C12orf42: variants seen among roughly 807,000 people sequenced by gnomAD.
C12orf42 encodes uncharacterized protein C12orf42.
A neutral mutation model predicts 21.6 loss-of-function variants in C12orf42; 25 were observed. That is an observed-to-expected ratio of 1.16 (90% CI 0.84 to 1.62). The LOEUF (loss-of-function observed/expected upper bound fraction) is 1.62, where lower values mean the gene tolerates loss of function less well. C12orf42 is among the 40% of genes most tolerant of loss of function. The pLI is 0.00. For synonymous variants in C12orf42, 174 were observed against 175.0 expected (o/e 0.99, Z 0.05); for missense variants, 483 against 459.3 (o/e 1.05, Z -0.47).
At chr12:103,361,564 C>T (rs1244165707) in intron 4 of C12orf42, among the ~76,000 whole-genome samples, 1 of 152,066 alleles carries the variant, frequency 6.6e-6, no homozygotes, top group African/African-American at 2.4e-5. Context: ...ACTCAACAGG[C>T]AGGGAGGTGC....
rs148587598 is a variant in C12orf42, at chr12:103,417,291, T to A, written c.79-15616A>T. Among the ~76,000 whole-genome samples, 337 of 152,260 alleles carry A rather than the reference T, an allele frequency of 2.2e-3. 1 individual carries two copies. The highest frequency in any genetic ancestry group is 7.8e-3 in the African/African-American group (326 of 41,552). ...CTAATTATCTTGTAGCACTAACCAG[T>A]CTCCCTCTTCTCTCATATTGCTCTC... On this transcript the variant is annotated intron_variant, in intron 2 of 5. Transcript: ENST00000548883.
the C12orf42 span, among the ~76,000 whole-genome samples, chr12:103,075,075 A>G: frequency 1.3e-5 from 2 of 152,126 alleles, no homozygotes; most frequent in African/African-American, 4.8e-5. Context: ...ATGATAGAGT[A>G]AGACTGTCTC....
At chr12:103,476,343 G>A (rs550881968) in intron 2 of C12orf42, among the ~76,000 whole-genome samples, 20 of 152,194 alleles carry the variant, frequency 1.3e-4, no homozygotes, top group Middle Eastern at 3.4e-3. Context: ...TGTCCACTTC[G>A]CCACAGACCA....
chr12:103,187,421 A>G, the C12orf42 span, among the ~76,000 whole-genome samples: 11 of 152,326 alleles, frequency 7.2e-5, no homozygotes, highest in Admixed American at 5.9e-4. Context: ...CTAGAAGCCA[A>G]CTTTTACTAC....
intron 4 of C12orf42, among the ~76,000 whole-genome samples, chr12:103,283,839 T>A (rs2036278875): frequency 6.6e-6 from 1 of 152,184 alleles, no homozygotes; most frequent in South Asian, 2.1e-4. Context: ...AATGATCGAA[T>A]GGATGAATGA....
chr12:103,118,772 TAAAAAAAAAAAAA>T, the C12orf42 span, among the ~76,000 whole-genome samples: 13 of 41,660 alleles, frequency 3.1e-4, no homozygotes, highest in East Asian at 8.8e-4. Flanking sequence ...CACTCCAGCC[TAAAAAAAAAAAAA>T]AAAAAAAAAA....
chr12:103,433,647 C>T (rs1009778403), intron 2 of C12orf42, among the ~76,000 whole-genome samples: 21 of 152,170 alleles, frequency 1.4e-4, no homozygotes, highest in African/African-American at 4.6e-4. Flanking sequence ...CCTATTTTCT[C>T]TAACAAAAGA....
chr12:103,072,309 C>T, the C12orf42 span, among the ~76,000 whole-genome samples: 37 of 152,138 alleles, frequency 2.4e-4, no homozygotes, highest in South Asian at 1.7e-3. Flanking sequence ...TAATAATGTT[C>T]AAAATGTCTA....
At chr12:103,317,069 AC>A (rs1279850486) in intron 4 of C12orf42, among the ~76,000 whole-genome samples, 1 of 152,170 alleles carries the variant, frequency 6.6e-6, no homozygotes, top group African/African-American at 2.4e-5. Context: ...TGTCTCAAAT[AC>A]CAGTGCCCCA....
intron 3 of C12orf42, among the ~76,000 whole-genome samples, chr12:103,374,383 A>G (rs1454005192): frequency 6.6e-6 from 1 of 152,084 alleles, no homozygotes; most frequent in Admixed American, 6.6e-5. Context: ...GAGATTTCCA[A>G]GATTGAGGTT....
chr12:103,134,540 G>GTA, the C12orf42 span, among the ~76,000 whole-genome samples: 2 of 151,372 alleles, frequency 1.3e-5, no homozygotes, highest in Non-Finnish European at 2.9e-5. Context: ...TTAAAGACAG[G>GTA]TATTTGGAAA....
At chr12:103,422,803 C>T (rs1398475909) in intron 2 of C12orf42, among the ~76,000 whole-genome samples, 2 of 150,762 alleles carry the variant, frequency 1.3e-5, no homozygotes, top group African/African-American at 4.9e-5. Flanking sequence ...CCAATAATCC[C>T]AACAAAACTA....
intron 4 of C12orf42, among the ~76,000 whole-genome samples, chr12:103,332,663 C>G (rs903663130): frequency 1.3e-5 from 2 of 152,216 alleles, no homozygotes; most frequent in Non-Finnish European, 2.9e-5. Flanking sequence ...TAATGCCTGT[C>G]CCAGGCTACG....
chr12:103,132,911 T>G, the C12orf42 span, among the ~76,000 whole-genome samples: 2 of 152,198 alleles, frequency 1.3e-5, no homozygotes, highest in African/African-American at 2.4e-5. Flanking sequence ...GCTGCTCAGC[T>G]GCTACTGCCA....
At chr12:103,414,055 T>G (rs1482000017) in intron 2 of C12orf42, among the ~76,000 whole-genome samples, 1 of 152,190 alleles carries the variant, frequency 6.6e-6, no homozygotes, top group Non-Finnish European at 1.5e-5. Flanking sequence ...TTTTAGTTCT[T>G]TAAGGAATCT....
the C12orf42 span, among the ~76,000 whole-genome samples, chr12:103,064,579 A>G: frequency 2.0e-5 from 3 of 152,196 alleles, no homozygotes; most frequent in Admixed American, 6.5e-5. Flanking sequence ...CCCTCAATCA[A>G]TTTACAGATT....
chr12:103,227,018 G>A, the C12orf42 span, among the ~76,000 whole-genome samples: 1 of 152,172 alleles, frequency 6.6e-6, no homozygotes, highest in African/African-American at 2.4e-5. Context: ...CTACTGTCGA[G>A]TTTGTATTGG....
At chr12:103,480,711 C>T (rs1406459205) in intron 1 of C12orf42, among the ~76,000 whole-genome samples, 1 of 151,462 alleles carries the variant, frequency 6.6e-6, no homozygotes, top group Non-Finnish European at 1.5e-5. Flanking sequence ...TCCCAATTAT[C>T]TTTTTGCTAT....
At chr12:103,455,877 T>C (rs1203785428) in intron 2 of C12orf42, among the ~76,000 whole-genome samples, 2 of 152,268 alleles carry the variant, frequency 1.3e-5, no homozygotes, top group Non-Finnish European at 1.5e-5. Flanking sequence ...TTACTAAGAA[T>C]CTCAGGCCTA....
Sources: gnomAD v4.1 joint callset for allele counts (sites outside exome capture counted in the v4.1 genomes callset) on GRCh38, gnomAD v4.1.1 for gene constraint, MANE v1.5 for transcripts, NCBI Gene and HGNC (gene_info 2026-07-23, HGNC 2026-07-21) for gene names.